EIPR1: variants seen among roughly 807,000 people sequenced by gnomAD.
EIPR1 encodes EARP complex and GARP complex interacting protein 1.
A neutral mutation model predicts 48.1 loss-of-function variants in EIPR1; 25 were observed. The ratio of observed to expected loss-of-function variants is 0.52; its 90% CI spans 0.38 to 0.73. EIPR1 has a LOEUF of 0.73. Ranked by LOEUF, EIPR1 falls within the 30% of genes least tolerant of loss-of-function variation. The pLI, the probability that EIPR1 is intolerant of heterozygous loss-of-function variation, is 0.00. For synonymous variants in EIPR1, 204 were observed against 201.9 expected (o/e 1.01, Z -0.09); for missense variants, 415 against 506.2 (o/e 0.82, Z 1.73).
chr2:3,260,406 G>T (rs1197476814), intron 3 of EIPR1, among the ~76,000 whole-genome samples: 1 of 151,550 alleles, frequency 6.6e-6, no homozygotes, highest in Non-Finnish European at 1.5e-5. Context: ...CAAGAGAATT[G>T]CTTGAATCTG....
chr2:3,190,464 C>A (rs992545791), intron 8 of EIPR1, among the ~76,000 whole-genome samples: 3 of 152,176 alleles, frequency 2.0e-5, no homozygotes, highest in African/African-American at 7.2e-5. Context: ...GGGACAAATG[C>A]CAGGTGCAAA....
intron 4 of EIPR1, among the ~76,000 whole-genome samples, chr2:3,253,534 G>C (rs1667065668): frequency 6.6e-6 from 1 of 152,202 alleles, no homozygotes; most frequent in Non-Finnish European, 1.5e-5. Flanking sequence ...GAAGGTTTGA[G>C]CTAGAGAAAT....
intron 4 of EIPR1, among the ~76,000 whole-genome samples, chr2:3,240,829 G>C (rs1219281296): frequency 2.0e-5 from 3 of 149,164 alleles, no homozygotes. Context: ...AGCAAAGCCA[G>C]CAGATCCTTC....
intron 3 of EIPR1, among the ~76,000 whole-genome samples, chr2:3,328,813 C>T (rs1572449359): frequency 9.7e-6 from 1 of 103,506 alleles, no homozygotes. Flanking sequence ...AATCAGAGCC[C>T]ACCCACCACG....
At chr2:3,298,538 C>G (rs1481246637) in intron 3 of EIPR1, 2 of 151,948 alleles carry the variant, frequency 1.3e-5, no homozygotes, top group African/African-American at 4.8e-5. Flanking sequence ...CTTACGATCT[C>G]GATGGTGTTG....
At chr2:3,274,278 T>G in intron 3 of EIPR1, 1 of 1,526,592 alleles carries the variant, frequency 6.6e-7, no homozygotes, top group Non-Finnish European at 8.8e-7. Context: ...TAAAAATATA[T>G]CCACTCCTGG....
intron 4 of EIPR1, among the ~76,000 whole-genome samples, chr2:3,218,748 T>C (rs1389367000): frequency 6.7e-3 from 548 of 82,204 alleles, no homozygotes; most frequent in East Asian, 0.011. Flanking sequence ...AGGTGCACAC[T>C]CAACACGACC....
chr2:3,292,238 A>C (rs1668384814), intron 3 of EIPR1, among the ~76,000 whole-genome samples: 1 of 152,214 alleles, frequency 6.6e-6, no homozygotes, highest in African/African-American at 2.4e-5. Context: ...GACCCAGTCC[A>C]TTAAGTGGCT....
intron 5 of EIPR1, among the ~76,000 whole-genome samples, chr2:3,205,793 C>T (rs1008445169): frequency 6.6e-6 from 1 of 152,224 alleles, no homozygotes; most frequent in Non-Finnish European, 1.5e-5. Context: ...CTCTTTGAGG[C>T]TTGGCTCCAG....
intron 3 of EIPR1, among the ~76,000 whole-genome samples, chr2:3,303,637 C>A (rs1668824010): frequency 6.6e-6 from 1 of 152,196 alleles, no homozygotes; most frequent in African/African-American, 2.4e-5. Flanking sequence ...AGGAAATTTC[C>A]CCAAGCACAG....
chr2:3,202,732 C>T (rs1476941489), intron 5 of EIPR1, among the ~76,000 whole-genome samples: 6 of 152,210 alleles, frequency 3.9e-5, no homozygotes, highest in African/African-American at 9.6e-5. Context: ...CTTCTAACTC[C>T]GTAAGTGCTC....
chr2:3,198,718 T>C (rs145702556), intron 5 of EIPR1, among the ~76,000 whole-genome samples: 1,530 of 152,198 alleles, frequency 0.01, 35 homozygotes, highest in Admixed American at 0.055. Context: ...AAGTTTTTAT[T>C]AGCAATTTTC....
At chr2:3,235,728 C>T (rs762987619) in intron 4 of EIPR1, among the ~76,000 whole-genome samples, 1 of 152,182 alleles carries the variant, frequency 6.6e-6, no homozygotes, top group Non-Finnish European at 1.5e-5. Context: ...TCACATAATA[C>T]AAATGAACAA....
At chr2:3,252,148 C>T (rs781316875) in intron 4 of EIPR1, among the ~76,000 whole-genome samples, 28 of 152,324 alleles carry the variant, frequency 1.8e-4, no homozygotes, top group South Asian at 8.3e-4. Context: ...GCGGAGTGTC[C>T]GCCCTGTGCT....
chr2:3,209,021 GGTGGCTGACCA>G, intron 5 of EIPR1: 1 of 1,448,916 alleles, frequency 6.9e-7, no homozygotes, highest in South Asian at 1.5e-5. Flanking sequence ...CAATAGTGGA[GGTGGCTGACCA>G]GCACCATCTT....
At chr2:3,197,558 G>C (rs1342832356) in intron 5 of EIPR1, among the ~76,000 whole-genome samples, 1 of 152,224 alleles carries the variant, frequency 6.6e-6, no homozygotes, top group Non-Finnish European at 1.5e-5. Flanking sequence ...TCTGGGGCTG[G>C]TGTTAGGGCT....
chr2:3,213,724 A>G (rs1274262370), intron 5 of EIPR1, among the ~76,000 whole-genome samples: 1 of 152,204 alleles, frequency 6.6e-6, no homozygotes, highest in Non-Finnish European at 1.5e-5. Context: ...CTTTCACCTG[A>G]AAGACCCCAT....
chr2:3,230,091 T>C (rs1042208371), intron 4 of EIPR1, among the ~76,000 whole-genome samples: 4 of 152,242 alleles, frequency 2.6e-5, no homozygotes, highest in Admixed American at 2.6e-4. Flanking sequence ...TATCAATGGT[T>C]TATAGTTCTC....
chr2:3,335,953 C>A (rs772230997), intron 3 of EIPR1, among the ~76,000 whole-genome samples: 1 of 152,182 alleles, frequency 6.6e-6, no homozygotes, highest in Non-Finnish European at 1.5e-5. Flanking sequence ...TGGACTAATA[C>A]CCCGACTGTC....
Sources: gnomAD v4.1 joint callset for allele counts (sites outside exome capture counted in the v4.1 genomes callset) on GRCh38, gnomAD v4.1.1 for gene constraint, MANE v1.5 for transcripts, NCBI Gene and HGNC (gene_info 2026-07-23, HGNC 2026-07-21) for gene names.